The following BCORL1 variants were observed in gnomAD, a reference collection of about 807,000 sequenced individuals.
The protein encoded by BCORL1 is BCL-6 corepressor-like protein 1.
Under a neutral mutation model 87.6 loss-of-function variants are expected in BCORL1, and 7 were observed. The observed-to-expected ratio is 0.08, with a 90% CI of 0.05 to 0.15. The LOEUF is 0.15. BCORL1 is among the 10% of genes least tolerant of loss of function. The pLI is 1.00. For synonymous variants in BCORL1, 591 were observed against 634.4 expected, an observed-to-expected ratio of 0.93 and a Z score of 1.03; for missense variants, 1,215 against 1,499.7, an observed-to-expected ratio of 0.81 and a Z score of 3.13.
intron 11 of BCORL1, among the ~76,000 whole-genome samples, chrX:130,040,280 A>T (rs1480217314): frequency 2.7e-5 from 3 of 112,406 alleles, no homozygotes; most frequent in African/African-American, 6.5e-5. Flanking sequence ...CTATACCTCC[A>T]GATATATGGT....
rs376946512 is a variant in BCORL1 at position 130,013,244 on chromosome X, G to A, written c.472G>A (p.Gly158Arg). Residue 158 changes from glycine (G) to arginine (R), a missense_variant, in exon 4 of 14, where the codon GGA becomes AGA. Gly to Arg is a moderately radical substitution (Grantham distance 125, BLOSUM62 -2). This residue lies in a region of BCORL1 where 861 missense variants were observed against 1,010.0 expected (regional missense o/e 0.85). Transcript: ENST00000540052. Reference protein sequence around the residue: ...MSKQVDCSPAGVKALDSRQGV... With the variant: ...MSKQVDCSPARVKALDSRQGV... ...CAAACAGGTTGACTGCTCACCCGCCGGAGTAAAGGCTTTGGACTCTCGGCA... is the reference window on the plus strand; with the variant it reads ...CAAACAGGTTGACTGCTCACCCGCCAGAGTAAAGGCTTTGGACTCTCGGCA... 3.6e-5 allele frequency: 43 copies of A among 1,210,420 alleles called. No individual in the cohort carries two copies. Among genetic ancestry groups the A allele is most frequent in the Admixed American group, 3.5e-4 (16 of 45,861 alleles).
At chrX:130,039,567 T>C (rs1381035936) in intron 11 of BCORL1, among the ~76,000 whole-genome samples, 2 of 113,202 alleles carry the variant, frequency 1.8e-5, no homozygotes, top group East Asian at 5.5e-4. Flanking sequence ...TGGGCCTCTG[T>C]GTGGGGGCGG....
intron 8 of BCORL1, among the ~76,000 whole-genome samples, chrX:130,033,220 T>G (rs1930735966): frequency 9.1e-6 from 1 of 110,456 alleles, no homozygotes; most frequent in African/African-American, 3.3e-5. Flanking sequence ...TAGCTGGAAC[T>G]ATAGGCGTGT....
intron 9 of BCORL1, among the ~76,000 whole-genome samples, chrX:130,036,442 G>C (rs996196734): frequency 9.0e-6 from 1 of 111,018 alleles, no homozygotes; most frequent in Non-Finnish European, 1.9e-5. Context: ...TGTATTTTTA[G>C]TAGAGAGGGG....
chrX:130,028,729 G>A lies in BCORL1; in HGVS notation c.4173G>A (p.Gly1391=), dbSNP rs1569378963. The change falls in exon 8 of 14, where the codon GGG becomes GGA. Residue 1391 remains glycine, a synonymous_variant. Transcript: ENST00000540052. Reference sequence around the variant, plus strand: ...TTCTCTTGCCCAACAAAGTCCAGGGGATCTCGGATTCACCAAACGGTTTCC... The same window carrying A: ...TTCTCTTGCCCAACAAAGTCCAGGGAATCTCGGATTCACCAAACGGTTTCC... ...RNLLLPNKVQ[G]ISDSPNGFLP... 2.5e-6 allele frequency: 3 copies of A among 1,210,746 alleles called. No homozygotes were observed. Among genetic ancestry groups the A allele is most frequent in the African/African-American group, 1.7e-5 (1 of 57,580 alleles).
rs1167988342 is a variant in BCORL1, at chrX:130,025,258, G to A, written c.3957G>A (p.Glu1319=). Residue 1319 remains glutamate, a synonymous_variant, in exon 7 of 14, where the codon GAG becomes GAA. Coordinates refer to ENST00000540052, the MANE Select transcript of BCORL1 (RefSeq NM_001379451.1). ...TGTGGGACACCAATGAGGAGGAGGA[G>A]GAAGAAGAGGAGGAGGGCCTGCTGA... ...RQMWDTNEEE[E]EEEEEGLLKR... 2.5e-6 allele frequency: 3 copies of A among 1,208,089 alleles called. No homozygotes were observed. The highest frequency in any genetic ancestry group is 3.4e-6 in the Non-Finnish European group (3 of 894,276).
intron 13 of BCORL1, among the ~76,000 whole-genome samples, chrX:130,053,767 T>G (rs1281662490): frequency 8.9e-6 from 1 of 112,285 alleles, no homozygotes. Flanking sequence ...GTGATGCCTC[T>G]GAGGCCCTAT....
rs895434364 is a variant in BCORL1 at position 130,057,877 on chromosome X, T to C, written c.*1741T>C. 1.9e-5 allele frequency: 2 copies of C among 107,659 alleles called. No individual in the cohort carries two copies. The highest frequency in any genetic ancestry group is 4.0e-4 in the South Asian group (1 of 2,483). 8.9% of individuals were successfully genotyped at this position (107,659 alleles called of 1,213,427 possible). Reference sequence around the variant, plus strand: ...TAAGAAAAAAAAATACATATATATATACATATATATATATAAAGTTGAGGG... The same window carrying C: ...TAAGAAAAAAAAATACATATATATACACATATATATATATAAAGTTGAGGG... On this transcript the variant is annotated 3_prime_UTR_variant, in exon 14 of 14. Transcript: ENST00000540052.
intron 1 of BCORL1, among the ~76,000 whole-genome samples, chrX:129,997,649 G>A (rs1465628074): frequency 2.8e-5 from 3 of 108,166 alleles, no homozygotes; most frequent in African/African-American, 1.0e-4. Flanking sequence ...AAAATTAGCC[G>A]GGCATGGTGG....
intron 2 of BCORL1, among the ~76,000 whole-genome samples, chrX:130,011,857 A>C (rs1240420555): frequency 9.1e-6 from 1 of 110,485 alleles, no homozygotes; most frequent in Non-Finnish European, 1.9e-5. Context: ...GTAGGCAAGG[A>C]TAGAAGGAGG....
chrX:130,046,302 A>G (rs1041462427), intron 11 of BCORL1, among the ~76,000 whole-genome samples: 4 of 111,088 alleles, frequency 3.6e-5, no homozygotes, highest in African/African-American at 1.3e-4. Flanking sequence ...AATAAAAACA[A>G]AGCAAACAAT....
At chrX:130,055,038 C>T (rs1350030419) in intron 13 of BCORL1, among the ~76,000 whole-genome samples, 4 of 112,346 alleles carry the variant, frequency 3.6e-5, no homozygotes, top group African/African-American at 1.3e-4. Context: ...CCAGAAGTGG[C>T]AAAGGCTGGA....
At chrX:129,986,700 T>C (rs2124306757) in intron 1 of BCORL1, among the ~76,000 whole-genome samples, 1 of 111,156 alleles carries the variant, frequency 9.0e-6, no homozygotes, top group African/African-American at 3.3e-5. Flanking sequence ...GTGCCTGTAA[T>C]CCTAGCTACT....
intron 11 of BCORL1, among the ~76,000 whole-genome samples, chrX:130,043,747 TATA>T (rs1931495700): frequency 9.3e-5 from 1 of 10,790 alleles, no homozygotes; most frequent in Non-Finnish European, 1.7e-4. Flanking sequence ...GCTAATTTGT[TATA>T]TATATATATA....
Position 130,056,232 on chromosome X carries a change from G to A in BCORL1, c.*96G>A. 2 of 937,837 alleles carry A rather than the reference G, an allele frequency of 2.1e-6. No homozygotes were observed. Among genetic ancestry groups the A allele is most frequent in the South Asian group, 2.7e-5 (1 of 37,459 alleles). The allele number at this position is 937,837 out of a possible 1,213,427, so 77.3% of individuals were successfully genotyped here. Reference sequence around the variant, plus strand: ...GACCGAGCACCAGACTGCAGAATGAGGCAATAATACGGACCAACAAGAAGC... The same window carrying A: ...GACCGAGCACCAGACTGCAGAATGAAGCAATAATACGGACCAACAAGAAGC... On this transcript the variant is annotated 3_prime_UTR_variant, in exon 14 of 14. Coordinates refer to ENST00000540052, the MANE Select transcript of BCORL1 (RefSeq NM_001379451.1).
chrX:130,039,436 T>G, intron 11 of BCORL1, among the ~76,000 whole-genome samples, 154 bp downstream of exon 11: 1 of 112,457 alleles, frequency 8.9e-6, no homozygotes, highest in South Asian at 3.7e-4. Context: ...AGCTCAAGAA[T>G]CTCAGTTTGC....
chrX:130,000,888 T>C (rs1180846112), intron 1 of BCORL1, among the ~76,000 whole-genome samples: 1 of 99,912 alleles, frequency 1.0e-5, no homozygotes, highest in Non-Finnish European at 2.0e-5. Flanking sequence ...GCAAACATGG[T>C]GGATGCTTTG....
chrX:130,046,258 GCCTGGGTGACAGAGCAAGAC>G (rs1199794660), intron 11 of BCORL1, among the ~76,000 whole-genome samples: 2 of 111,552 alleles, frequency 1.8e-5, no homozygotes, highest in African/African-American at 6.5e-5. Context: ...CTGCACTCCA[GCCTGGGTGACAGAGCAAGAC>G]CCTGTCTCAA....
intron 2 of BCORL1, among the ~76,000 whole-genome samples, chrX:130,011,932 A>G (rs1382355096): frequency 9.0e-6 from 1 of 111,074 alleles, no homozygotes; most frequent in Non-Finnish European, 1.9e-5. Context: ...GAGGGAAAAA[A>G]GTAGTATTCT....
Sources: allele counts gnomAD v4.1 joint callset (sites outside exome capture counted in the v4.1 genomes callset), GRCh38; gene constraint gnomAD v4.1.1; regional missense constraint gnomAD v4.1.1; transcripts MANE v1.5; gene names NCBI Gene and HGNC (gene_info 2026-07-23, HGNC 2026-07-21).